The following EYS variants were observed in gnomAD, a reference collection of about 807,000 sequenced individuals.
EYS encodes protein eyes shut homolog.
EYS carries 250 observed loss-of-function variants against 282.1 expected under a neutral mutation model. The ratio of observed to expected loss-of-function variants is 0.89; its 90% CI spans 0.80 to 0.98. The LOEUF (loss-of-function observed/expected upper bound fraction) is 0.98. Ranked by LOEUF, EYS falls within the 50% of genes least tolerant of loss-of-function variation. The pLI is 0.00. For missense variants in EYS, 4,016 were observed against 3,709.0 expected, an observed-to-expected ratio of 1.08 and a Z score of -2.15; for synonymous variants, 1,355 against 1,282.9, an observed-to-expected ratio of 1.06 and a Z score of -1.20.
chr6:63,725,199 C>T (rs1768566609), intron 42 of EYS, among the ~76,000 whole-genome samples: 1 of 152,084 alleles, frequency 6.6e-6, no homozygotes, highest in Non-Finnish European at 1.5e-5. Context: ...TAAGTAGTGT[C>T]TGATGGCATA....
chr6:64,957,473 T>TA (rs568593684), intron 14 of EYS, among the ~76,000 whole-genome samples: 3,923 of 142,846 alleles, frequency 0.027, 50 homozygotes, highest in Middle Eastern at 0.043. Flanking sequence ...GGTTAATGGA[T>TA]AAAAAAAAAA....
intron 31 of EYS, among the ~76,000 whole-genome samples, chr6:64,094,691 T>A (rs1194595901): frequency 6.6e-6 from 1 of 152,192 alleles, no homozygotes; most frequent in Non-Finnish European, 1.5e-5. Flanking sequence ...ATGTTGTTGA[T>A]CTTTTCAAAA....
At chr6:64,716,418 C>G (rs141999360) in intron 22 of EYS, among the ~76,000 whole-genome samples, 22 of 152,278 alleles carry the variant, frequency 1.4e-4, no homozygotes, top group Admixed American at 1.1e-3. Flanking sequence ...TAAAAACAAG[C>G]ATTGTTGCCT....
At chr6:65,294,785 T>C (rs1014302400) in intron 12 of EYS, among the ~76,000 whole-genome samples, 1 of 151,926 alleles carries the variant, frequency 6.6e-6, no homozygotes, top group Non-Finnish European at 1.5e-5. Flanking sequence ...AGAAATGATA[T>C]ATATCTATTT....
intron 13 of EYS, among the ~76,000 whole-genome samples, chr6:65,041,050 GT>G (rs1233081175): frequency 6.6e-6 from 1 of 151,686 alleles, no homozygotes; most frequent in Non-Finnish European, 1.5e-5. Context: ...CAGTTTCTCT[GT>G]TTTCACTTTT....
At chr6:65,514,613 C>A (rs1246677514) in intron 2 of EYS, among the ~76,000 whole-genome samples, 2 of 152,128 alleles carry the variant, frequency 1.3e-5, no homozygotes, top group African/African-American at 4.8e-5. Context: ...TGGAACAGAA[C>A]AGAGCCCTCA....
At chr6:63,956,666 C>T (rs1439600440) in intron 35 of EYS, among the ~76,000 whole-genome samples, 1 of 152,186 alleles carries the variant, frequency 6.6e-6, no homozygotes, top group African/African-American at 2.4e-5. Flanking sequence ...TACATACATA[C>T]ATTATGAAAT....
chr6:64,163,190 A>C (rs2150302248), intron 31 of EYS, among the ~76,000 whole-genome samples: 1 of 152,264 alleles, frequency 6.6e-6, no homozygotes, highest in South Asian at 2.1e-4. Flanking sequence ...TAGCAGAGAG[A>C]AAAAACCTTG....
intron 26 of EYS, among the ~76,000 whole-genome samples, chr6:64,501,657 G>A: frequency 6.6e-6 from 1 of 152,060 alleles, no homozygotes; most frequent in East Asian, 1.9e-4. Context: ...CCAAACTTTG[G>A]ATAAAAGAAG....
chr6:64,240,650 G>A (rs1454519460), intron 30 of EYS, among the ~76,000 whole-genome samples: 1 of 152,064 alleles, frequency 6.6e-6, no homozygotes, highest in Non-Finnish European at 1.5e-5. Context: ...GGAAATTTGG[G>A]GCTGAGACGA....
At chr6:64,891,618 A>C (rs1767295446) in intron 18 of EYS, among the ~76,000 whole-genome samples, 2 of 151,992 alleles carry the variant, frequency 1.3e-5, no homozygotes, top group Admixed American at 6.6e-5. Flanking sequence ...TTTCGCTATT[A>C]CCTGCTGAGG....
At chr6:63,936,236 C>T (rs1179171734) in intron 35 of EYS, among the ~76,000 whole-genome samples, 1 of 152,150 alleles carries the variant, frequency 6.6e-6, no homozygotes, top group Non-Finnish European at 1.5e-5. Context: ...GAATTGGAAC[C>T]TGGATCCTGA....
chr6:65,288,063 T>C (rs1430832345), intron 12 of EYS, among the ~76,000 whole-genome samples: 3 of 151,280 alleles, frequency 2.0e-5, no homozygotes, highest in Admixed American at 1.3e-4. Flanking sequence ...TATGCATTAG[T>C]TGTTAAATAA....
intron 30 of EYS, among the ~76,000 whole-genome samples, chr6:64,241,426 G>A (rs1411725053): frequency 2.6e-5 from 4 of 151,802 alleles, no homozygotes; most frequent in South Asian, 2.1e-4. Flanking sequence ...TCCAATATTC[G>A]ACTATTCAGG....
At chr6:64,027,772 C>T (rs1406792591) in intron 33 of EYS, among the ~76,000 whole-genome samples, 1 of 152,204 alleles carries the variant, frequency 6.6e-6, no homozygotes, top group Admixed American at 6.5e-5. Context: ...CAAAGTTTCC[C>T]TGGGACAGAA....
At chr6:64,508,416 T>C (rs967216416) in intron 26 of EYS, among the ~76,000 whole-genome samples, 1 of 152,014 alleles carries the variant, frequency 6.6e-6, no homozygotes, top group Admixed American at 6.6e-5. Context: ...CAGTTGTTTG[T>C]ATTCTGGGTC....
chr6:65,577,750 TA>T (rs367879550), intron 2 of EYS, among the ~76,000 whole-genome samples: 2,765 of 143,822 alleles, frequency 0.019, 30 homozygotes, highest in South Asian at 0.038. Flanking sequence ...AAGCCTGTTT[TA>T]AAAAAAAAAA....
At chr6:65,299,013 G>A (rs1354009362) in intron 11 of EYS, among the ~76,000 whole-genome samples, 2 of 152,014 alleles carry the variant, frequency 1.3e-5, no homozygotes, top group Non-Finnish European at 2.9e-5. Flanking sequence ...GGATCCATAG[G>A]ATAAATCCCT....
At chr6:64,600,066 C>G (rs192168912) in intron 24 of EYS, among the ~76,000 whole-genome samples, 1 of 152,046 alleles carries the variant, frequency 6.6e-6, no homozygotes, top group Non-Finnish European at 1.5e-5. Context: ...GTGGCTTATC[C>G]TTATTTTCTA....
Sources: gnomAD v4.1 joint callset for allele counts (sites outside exome capture counted in the v4.1 genomes callset) on GRCh38, gnomAD v4.1.1 for gene constraint, MANE v1.5 for transcripts, NCBI Gene and HGNC (gene_info 2026-07-23, HGNC 2026-07-21) for gene names.